The following PROS1 variants were observed in gnomAD, a reference collection of about 807,000 sequenced individuals.
The protein encoded by PROS1 is vitamin K-dependent protein S.
A neutral mutation model predicts 75.9 loss-of-function variants in PROS1; 29 were observed. That is an observed-to-expected ratio of 0.38 (90% CI 0.28 to 0.52). The LOEUF is 0.52. Among genes scored for constraint, PROS1 ranks in the 20% least tolerant of loss-of-function variants. PROS1 has a pLI of 0.83. For missense variants in PROS1, 680 were observed against 810.3 expected (o/e 0.84, Z 1.95); for synonymous variants, 245 against 280.6 (o/e 0.87, Z 1.27).
In PROS1 at chr3:93,876,970, A is replaced by G. The variant is rs746331652; in HGVS notation, c.1866T>C (p.Leu622=). ...KAKVATYLGG[L]PDVPFSATPV... ...GAAGAAAAAGTAAGCAGATACCTGGAAGGCCACCCAGGTATGTGGCCACTT... is the reference window on the plus strand; with the variant it reads ...GAAGAAAAAGTAAGCAGATACCTGGGAGGCCACCCAGGTATGTGGCCACTT... The change falls in exon 14 of 15, where the codon CTT becomes CTC. Residue 622 remains leucine, a synonymous_variant. Coordinates refer to ENST00000394236, the MANE Select transcript of PROS1 (RefSeq NM_000313.4). The G allele has an allele frequency of 1.3e-6, 2 of 1,593,174 alleles. No individual in the cohort carries two copies. The highest frequency in any genetic ancestry group is 4.5e-5 in the East Asian group (2 of 44,724).
intron 1 of PROS1, among the ~76,000 whole-genome samples, chr3:93,946,983 C>T (rs1179886491): frequency 1.3e-5 from 2 of 151,944 alleles, no homozygotes; most frequent in East Asian, 1.9e-4. Flanking sequence ...AAAAATCAAA[C>T]AGCTCTATCA....
chr3:93,888,040 G>A (rs1203667672), intron 10 of PROS1, among the ~76,000 whole-genome samples: 4 of 152,132 alleles, frequency 2.6e-5, no homozygotes, highest in Non-Finnish European at 5.9e-5. Context: ...TCACTGCTAG[G>A]TATTCATGTA....
At chr3:93,896,766 C>T in intron 8 of PROS1, 75 bp from the exon 9 acceptor site, 5 of 1,125,474 alleles carry the variant, frequency 4.4e-6, no homozygotes, top group Middle Eastern at 2.0e-4. Flanking sequence ...TGTGTGAGGT[C>T]ATGCATTTTT....
chr3:93,953,843 A>T (rs1437381058), intron 1 of PROS1, among the ~76,000 whole-genome samples: 1 of 152,216 alleles, frequency 6.6e-6, no homozygotes, highest in Non-Finnish European at 1.5e-5. Flanking sequence ...GTCTCAGCCC[A>T]AAATCTCCTT....
chr3:93,966,881 C>T (rs146746146), intron 1 of PROS1, among the ~76,000 whole-genome samples: 3 of 151,526 alleles, frequency 2.0e-5, no homozygotes, highest in East Asian at 3.9e-4. Context: ...TTGGGATGTG[C>T]GCCAGTGTTG....
chr3:93,944,866 G>A (rs1709353701), intron 1 of PROS1, among the ~76,000 whole-genome samples: 1 of 152,002 alleles, frequency 6.6e-6, no homozygotes, highest in African/African-American at 2.4e-5. Flanking sequence ...AATGAATCTA[G>A]GAGCTGGTTT....
intron 2 of PROS1, 106 bp from the exon 3 acceptor site, chr3:93,924,370 C>T: frequency 1.8e-6 from 1 of 554,408 alleles, no homozygotes. Flanking sequence ...AAATAAGTTA[C>T]ATATAACCAT....
At chr3:93,892,823 C>A in intron 10 of PROS1, 110 bp downstream of exon 10, 1 of 960,706 alleles carries the variant, frequency 1.0e-6, no homozygotes, top group Non-Finnish European at 1.7e-6. Flanking sequence ...CCTCATATAG[C>A]ATCAGATAAC....
intron 14 of PROS1, 152 bp downstream of exon 14, chr3:93,876,814 A>G: frequency 1.9e-6 from 1 of 528,264 alleles, no homozygotes; most frequent in Non-Finnish European, 3.2e-6. Context: ...AAATATGCCA[A>G]TAAAATGTCG....
At chr3:93,915,943 G>A (rs1286074013) in intron 3 of PROS1, among the ~76,000 whole-genome samples, 1 of 152,042 alleles carries the variant, frequency 6.6e-6, no homozygotes, top group Non-Finnish European at 1.5e-5. Flanking sequence ...CCCAATGTCT[G>A]GCACCAATGT....
chr3:93,877,995 T>C (rs533788058), intron 13 of PROS1, among the ~76,000 whole-genome samples: 2 of 152,136 alleles, frequency 1.3e-5, no homozygotes, highest in Non-Finnish European at 1.5e-5. Context: ...TTAAAAGAGA[T>C]TGTCAATAAA....
intron 3 of PROS1, among the ~76,000 whole-genome samples, chr3:93,912,556 T>C (rs1708774898): frequency 6.6e-6 from 1 of 151,794 alleles, no homozygotes; most frequent in South Asian, 2.1e-4. Context: ...ATTGTGGGGG[T>C]GTTTCTGGAG....
At chr3:93,915,352 G>A (rs1169316348) in intron 3 of PROS1, among the ~76,000 whole-genome samples, 1 of 152,106 alleles carries the variant, frequency 6.6e-6, no homozygotes, top group Non-Finnish European at 1.5e-5. Context: ...TGTAATCCTA[G>A]CTACTTGGGA....
intron 8 of PROS1, among the ~76,000 whole-genome samples, chr3:93,897,346 A>G (rs1174544435): frequency 2.7e-5 from 4 of 150,002 alleles, no homozygotes; most frequent in Non-Finnish European, 5.9e-5. Context: ...TTTAACATAC[A>G]AATTATTGAA....
At chr3:93,900,781 T>G in intron 7 of PROS1, 23 bp downstream of exon 7, 3 of 1,611,954 alleles carry the variant, frequency 1.9e-6, no homozygotes, top group Non-Finnish European at 2.5e-6. Context: ...CCACCATCAG[T>G]AATGATACCA....
chr3:93,907,288 C>T (rs1173980206), intron 4 of PROS1, among the ~76,000 whole-genome samples: 2 of 152,218 alleles, frequency 1.3e-5, no homozygotes, highest in Non-Finnish European at 2.9e-5. Context: ...AAAGGAGCTA[C>T]CATCTCCAGG....
Position 93,927,385 on chromosome 3 carries a change from T to C in PROS1, c.99A>G (p.Ser33=), listed in dbSNP as rs1709035668. The change falls in exon 2 of 15, where the codon TCA becomes TCG. Residue 33 remains serine, a synonymous_variant. Transcript: ENST00000394236. ...CACGACGCTTCCTAACCAGGACTTGTGAAGCCTGTTGCTTTGACAAAACTG... is the reference window on the plus strand; with the variant it reads ...CACGACGCTTCCTAACCAGGACTTGCGAAGCCTGTTGCTTTGACAAAACTG... ...EANFLSKQQA[S]QVLVRKRRAN... is the part of the protein sequence containing the mutation. The C allele has an allele frequency of 6.2e-6, 10 of 1,614,194 alleles. No individual in the cohort carries two copies. Among genetic ancestry groups the C allele is most frequent in the Non-Finnish European group, 8.5e-6 (10 of 1,180,036 alleles).
chr3:93,931,055 A>G (rs1200739608), intron 1 of PROS1, among the ~76,000 whole-genome samples: 3 of 152,246 alleles, frequency 2.0e-5, no homozygotes, highest in Non-Finnish European at 4.4e-5. Flanking sequence ...CAGCCCAACA[A>G]TGCTTTACAT....
chr3:93,925,490 G>A lies in PROS1; in HGVS notation c.235-1226C>T, dbSNP rs560747523. Among the ~76,000 whole-genome samples, 26 of 151,440 alleles carry A rather than the reference G, an allele frequency of 1.7e-4. No homozygotes were observed. In the South Asian group the frequency reaches 4.8e-3, roughly 28 times the overall value. On this transcript the variant is annotated intron_variant, in intron 2 of 14. Transcript: ENST00000394236. ...GGACAGGGAGTGGTTGGGTAGGGTCGAAAATGATCACACCTGTAATCATGA... is the reference window on the plus strand; with the variant it reads ...GGACAGGGAGTGGTTGGGTAGGGTCAAAAATGATCACACCTGTAATCATGA...
Sources: allele counts gnomAD v4.1 joint callset (sites outside exome capture counted in the v4.1 genomes callset), GRCh38; gene constraint gnomAD v4.1.1; transcripts MANE v1.5; gene names NCBI Gene and HGNC (gene_info 2026-07-23, HGNC 2026-07-21).